Variants in CTNNA3 observed in about 807,000 individuals in gnomAD.
CTNNA3 encodes the protein catenin alpha-3.
Under a neutral mutation model 95.7 loss-of-function variants are expected in CTNNA3, and 76 were observed. That is an observed-to-expected ratio of 0.79 (90% CI 0.66 to 0.96). The LOEUF (loss-of-function observed/expected upper bound fraction) is 0.96. CTNNA3 is among the 40% of genes least tolerant of loss of function. The probability of loss-of-function intolerance (pLI) is 0.00; values close to 1 mark genes in which losing one functional copy is unlikely to be tolerated. For synonymous variants in CTNNA3, 431 were observed against 374.4 expected (o/e 1.15, Z -1.74); for missense variants, 1,191 against 1,089.8 (o/e 1.09, Z -1.31).
At chr10:67,415,295 T>C (rs1845505331) in intron 5 of CTNNA3, among the ~76,000 whole-genome samples, 1 of 152,184 alleles carries the variant, frequency 6.6e-6, no homozygotes, top group African/African-American at 2.4e-5. Flanking sequence ...TAAGCAACTT[T>C]AGCAAAGTTT....
At chr10:66,444,478 G>A (rs1307909216) in intron 11 of CTNNA3, among the ~76,000 whole-genome samples, 2 of 152,108 alleles carry the variant, frequency 1.3e-5, no homozygotes, top group African/African-American at 4.8e-5. Flanking sequence ...TAGATCTCTT[G>A]GCAAAAACTC....
chr10:66,763,367 AAG>A lies in CTNNA3; in HGVS notation c.1281+2895_1281+2896del, dbSNP rs1226337174. On this transcript the variant is annotated intron_variant, in intron 9 of 17. Transcript: ENST00000433211. ...AGAGAGAGAGAGGGAGAGAGAGAGA[AAG>A]AGAGAAAGAGAGAGAGAGAAACAAC... Among the ~76,000 whole-genome samples, 409 of 52,290 alleles carry A rather than the reference AAG, an allele frequency of 7.8e-3. 4 individuals carry two copies. Among genetic ancestry groups the A allele is most frequent in the African/African-American group, 0.024 (391 of 16,562 alleles). The allele number at this position is 52,290 out of a possible 152,430, so 34.3% of individuals were successfully genotyped here.
rs147185393 is a variant in CTNNA3, at chr10:66,681,328, C to T, written c.1282-59544G>A. The stretch of plus-strand genomic sequence containing the variant: ...AACAACTGCTTCAACTCACTTGGTC[C>T]TAAGTTTGGCAGCTCAAAATTCCAA... On this transcript the variant is annotated intron_variant, in intron 9 of 17. Coordinates refer to ENST00000433211, the MANE Select transcript of CTNNA3 (RefSeq NM_013266.4). Among the ~76,000 whole-genome samples the T allele has an allele frequency of 3.5e-3, 530 of 152,174 alleles. 10 individuals are homozygous for T. The highest frequency in any genetic ancestry group is 3.3e-3 in the Non-Finnish European group (223 of 68,020).
chr10:67,686,895 C>T (rs1045988490), intron 1 of CTNNA3, among the ~76,000 whole-genome samples: 5 of 152,124 alleles, frequency 3.3e-5, no homozygotes, highest in Non-Finnish European at 7.3e-5. Flanking sequence ...TTGATTCCCT[C>T]CTCAAGCAGG....
intron 7 of CTNNA3, among the ~76,000 whole-genome samples, chr10:67,155,066 G>A (rs975416427): frequency 2.0e-5 from 3 of 151,514 alleles, no homozygotes; most frequent in South Asian, 2.1e-4. Flanking sequence ...TACTCCATTC[G>A]TAATTACGTA....
intron 13 of CTNNA3, among the ~76,000 whole-genome samples, chr10:66,184,703 A>G (rs970725493): frequency 2.0e-5 from 3 of 152,142 alleles, no homozygotes; most frequent in African/African-American, 4.8e-5. Flanking sequence ...TCCTTTGTAT[A>G]CTTTTAGCCA....
At chr10:67,414,019 C>T (rs1023333130) in intron 5 of CTNNA3, among the ~76,000 whole-genome samples, 1 of 151,784 alleles carries the variant, frequency 6.6e-6, no homozygotes, top group Non-Finnish European at 1.5e-5. Flanking sequence ...TTTGCACCTA[C>T]AGGAACAAGA....
At chr10:67,279,843 C>G (rs1313734894) in intron 5 of CTNNA3, among the ~76,000 whole-genome samples, 1 of 149,914 alleles carries the variant, frequency 6.7e-6, no homozygotes, top group African/African-American at 2.5e-5. Flanking sequence ...CTACTCCAAA[C>G]TGATAAGGTT....
chr10:66,761,707 T>A (rs1839608569), intron 9 of CTNNA3, among the ~76,000 whole-genome samples: 1 of 152,198 alleles, frequency 6.6e-6, no homozygotes, highest in Non-Finnish European at 1.5e-5. Flanking sequence ...ATAATAGTTA[T>A]AGTACCACTT....
Position 67,151,288 on chromosome 10 carries a change from G to A in CTNNA3, c.1047+29029C>T, listed in dbSNP as rs1190880502. Among the ~76,000 whole-genome samples, 3 of 151,592 alleles carry A rather than the reference G, an allele frequency of 2.0e-5. No individual in the cohort carries two copies. The South Asian group carries it at 6.3e-4, about 32-fold the overall frequency. On this transcript the variant is annotated intron_variant, in intron 7 of 17. Transcript: ENST00000433211. ...AATTTTCATCTGTATGTAGAACCACGAGAAGTATGCCATCAAATTTTCCAG... is the reference window on the plus strand; with the variant it reads ...AATTTTCATCTGTATGTAGAACCACAAGAAGTATGCCATCAAATTTTCCAG...
rs1478131793 is a variant in CTNNA3, at chr10:67,713,349, G to T, written c.-2+50085C>A. Among the ~76,000 whole-genome samples, 4 of 152,322 alleles carry T rather than the reference G, an allele frequency of 2.6e-5. No homozygotes were observed. In the East Asian group the frequency reaches 7.7e-4, roughly 29 times the overall value. ...ACACTGTTGGTGGGAATGTAAATTT[G>T]TTCAACCATTGTGGAAGACAGTGTG... On this transcript the variant is annotated intron_variant, in intron 1 of 17. Coordinates refer to the CTNNA3 transcript ENST00000684154.
At chr10:66,501,179 A>G (rs1409052319) in intron 11 of CTNNA3, among the ~76,000 whole-genome samples, 1 of 152,178 alleles carries the variant, frequency 6.6e-6, no homozygotes, top group Non-Finnish European at 1.5e-5. Context: ...ATACATCTGT[A>G]ATTACTATAG....
chr10:66,831,433 T>C (rs1842717164), intron 7 of CTNNA3, among the ~76,000 whole-genome samples: 1 of 152,186 alleles, frequency 6.6e-6, no homozygotes, highest in African/African-American at 2.4e-5. Context: ...GAACATTTCC[T>C]ATGCCCAATC....
chr10:66,791,923 A>C (rs570196685), intron 7 of CTNNA3, among the ~76,000 whole-genome samples: 57 of 152,150 alleles, frequency 3.7e-4, no homozygotes, highest in African/African-American at 1.3e-3. Flanking sequence ...TAACTTGTAC[A>C]ACTGCAAAGT....
chr10:66,327,115 C>A (rs1197575062), intron 12 of CTNNA3, among the ~76,000 whole-genome samples: 3 of 152,036 alleles, frequency 2.0e-5, no homozygotes, highest in African/African-American at 7.2e-5. Context: ...CTCTTGACTC[C>A]TGGAAAACAA....
chr10:67,645,627 C>T (rs1430426716), intron 2 of CTNNA3, among the ~76,000 whole-genome samples: 3 of 151,842 alleles, frequency 2.0e-5, no homozygotes, highest in Admixed American at 6.6e-5. Flanking sequence ...CATATCTTGG[C>T]CATTAACTTT....
chr10:66,214,283 C>A lies in CTNNA3; in HGVS notation c.1884+66187G>T, dbSNP rs370980023. Among the ~76,000 whole-genome samples the A allele has an allele frequency of 3.0e-4, 45 of 152,188 alleles. No individual in the cohort carries two copies. The East Asian group carries it at 8.3e-3, about 28-fold the overall frequency. On this transcript the variant is annotated intron_variant, in intron 13 of 17. Coordinates refer to ENST00000433211, the MANE Select transcript of CTNNA3 (RefSeq NM_013266.4). ...AAGTTGTGCTTGCTTTTCCTTCATA[C>A]AAAATATTTGTGTAACTGCAAGCAG...
chr10:66,823,131 G>C (rs1842360086), intron 7 of CTNNA3, among the ~76,000 whole-genome samples: 1 of 152,192 alleles, frequency 6.6e-6, no homozygotes. Context: ...ATGCAGAACT[G>C]TGTTTAGGAG....
intron 15 of CTNNA3, among the ~76,000 whole-genome samples, chr10:66,007,963 T>C (rs781527944): frequency 7.9e-5 from 12 of 152,008 alleles, no homozygotes; most frequent in Non-Finnish European, 1.5e-4. Context: ...AGCCTTTTTC[T>C]ACAACAGATC....
Sources: allele counts gnomAD v4.1 joint callset (sites outside exome capture counted in the v4.1 genomes callset), GRCh38; gene constraint gnomAD v4.1.1; transcripts MANE v1.5; gene names NCBI Gene and HGNC (gene_info 2026-07-23, HGNC 2026-07-21).